The following PRKG1 variants were observed in gnomAD, a reference collection of about 807,000 sequenced individuals.
The protein encoded by PRKG1 is protein kinase cGMP-dependent 1.
A neutral mutation model predicts 88.1 loss-of-function variants in PRKG1; 35 were observed. The ratio of observed to expected loss-of-function variants is 0.40; its 90% CI spans 0.30 to 0.53. The LOEUF is 0.53. Among genes scored for constraint, PRKG1 ranks in the 20% least tolerant of loss-of-function variants. The pLI, the probability that PRKG1 is intolerant of heterozygous loss-of-function variation, is 0.59. For synonymous variants in PRKG1, 303 were observed against 292.5 expected (o/e 1.04, Z -0.37); for missense variants, 540 against 839.8 (o/e 0.64, Z 4.41).
intron 1 of PRKG1, among the ~76,000 whole-genome samples, chr10:51,020,700 G>C (rs990189009): frequency 1.3e-5 from 2 of 152,150 alleles, no homozygotes; most frequent in Non-Finnish European, 2.9e-5. Flanking sequence ...CCAAAATTAT[G>C]CCTCAGAAAT....
At position 52,064,570 on chromosome 10, in the gene PRKG1, G is replaced by C. The variant is rs116753579; in HGVS notation, c.935+1939G>C. ...GACTTCGGGCAGCTGTAGCTGCACC[G>C]GGGAGAAAAGGGCTCCTGCTTCCCC... On this transcript the variant is annotated intron_variant, in intron 7 of 17. Coordinates refer to ENST00000373980, the MANE Select transcript of PRKG1 (RefSeq NM_006258.4). Among the ~76,000 whole-genome samples the C allele has an allele frequency of 9.4e-3, 1,437 of 152,306 alleles. 26 individuals are homozygous for C. Among genetic ancestry groups the C allele is most frequent in the African/African-American group, 0.032 (1,311 of 41,574 alleles).
At chr10:51,431,405 G>A (rs1184170171) in intron 2 of PRKG1, among the ~76,000 whole-genome samples, 1 of 152,210 alleles carries the variant, frequency 6.6e-6, no homozygotes, top group Non-Finnish European at 1.5e-5. Flanking sequence ...GACAAGGTGG[G>A]AGAAGGCAAA....
chr10:51,869,747 C>G, intron 4 of PRKG1, among the ~76,000 whole-genome samples: 1 of 152,122 alleles, frequency 6.6e-6, no homozygotes, highest in African/African-American at 2.4e-5. Context: ...AAAGATATAT[C>G]ATTATATTTA....
intron 10 of PRKG1, among the ~76,000 whole-genome samples, chr10:52,269,543 T>C (rs988575613): frequency 2.0e-5 from 3 of 152,114 alleles, no homozygotes; most frequent in Admixed American, 6.6e-5. Context: ...ACTCAATCTG[T>C]ACATGTGTGC....
intron 2 of PRKG1, among the ~76,000 whole-genome samples, chr10:51,386,640 TCTGCTC>T (rs1837255975): frequency 6.6e-6 from 1 of 152,256 alleles, no homozygotes; most frequent in Non-Finnish European, 1.5e-5. Flanking sequence ...AAGAGAGAAA[TCTGCTC>T]TACTCAGCCT....
chr10:52,222,888 A>G (rs965753667), intron 9 of PRKG1, among the ~76,000 whole-genome samples: 1 of 152,156 alleles, frequency 6.6e-6, no homozygotes, highest in Non-Finnish European at 1.5e-5. Flanking sequence ...TCCCAGGTGT[A>G]TAAAAACTCT....
intron 8 of PRKG1, among the ~76,000 whole-genome samples, chr10:52,155,048 C>T (rs1036583592): frequency 1.3e-5 from 2 of 151,978 alleles, no homozygotes; most frequent in African/African-American, 4.8e-5. Context: ...GGCTGATGGA[C>T]GTTTAGGTTG....
intron 3 of PRKG1, among the ~76,000 whole-genome samples, chr10:51,674,526 T>A (rs569856697): frequency 1.3e-5 from 2 of 152,324 alleles, no homozygotes. Flanking sequence ...AATTATCATT[T>A]CATAAACAAG....
chr10:51,588,451 A>C (rs1323287640), intron 3 of PRKG1, among the ~76,000 whole-genome samples: 1 of 152,192 alleles, frequency 6.6e-6, no homozygotes, highest in African/African-American at 2.4e-5. Context: ...CCTTACAACT[A>C]TCTGCTCAAT....
intron 3 of PRKG1, among the ~76,000 whole-genome samples, chr10:51,728,774 G>T (rs4369342): frequency 0.5 from 75,634 of 151,842 alleles, 19,489 homozygotes; most frequent in Middle Eastern, 0.64. Flanking sequence ...TTTAAGTGCA[G>T]GTATCAAATA....
intron 2 of PRKG1, among the ~76,000 whole-genome samples, chr10:51,275,392 A>G (rs371689590): frequency 1.2e-4 from 18 of 152,216 alleles, no homozygotes; most frequent in Admixed American, 1.2e-3. Context: ...AATGATTTCA[A>G]CTGAAAGCAG....
At chr10:52,111,244 T>C (rs1306019156) in intron 7 of PRKG1, among the ~76,000 whole-genome samples, 1 of 152,184 alleles carries the variant, frequency 6.6e-6, no homozygotes, top group African/African-American at 2.4e-5. Flanking sequence ...GGAGAAGCAA[T>C]TTCACATACA....
chr10:52,050,147 C>T (rs945472488), intron 5 of PRKG1, among the ~76,000 whole-genome samples: 1 of 151,932 alleles, frequency 6.6e-6, no homozygotes, highest in East Asian at 1.9e-4. Flanking sequence ...ACTAGGGAAG[C>T]AGCAGTGAAG....
intron 4 of PRKG1, among the ~76,000 whole-genome samples, chr10:51,864,992 G>A (rs2132844059): frequency 6.6e-6 from 1 of 152,206 alleles, no homozygotes; most frequent in South Asian, 2.1e-4. Context: ...GATAATTATG[G>A]AATATAAATG....
At chr10:52,173,277 A>G (rs975791674) in intron 9 of PRKG1, among the ~76,000 whole-genome samples, 2 of 152,196 alleles carry the variant, frequency 1.3e-5, no homozygotes, top group African/African-American at 4.8e-5. Context: ...GATAATTCAT[A>G]GTAATTAAGT....
intron 2 of PRKG1, among the ~76,000 whole-genome samples, chr10:51,435,109 T>C (rs933387765): frequency 6.6e-6 from 1 of 152,048 alleles, no homozygotes; most frequent in Non-Finnish European, 1.5e-5. Flanking sequence ...GTAGATACTT[T>C]CATGATAATG....
intron 3 of PRKG1, among the ~76,000 whole-genome samples, chr10:51,615,489 G>T (rs1458806392): frequency 1.3e-5 from 2 of 151,592 alleles, no homozygotes; most frequent in Admixed American, 1.3e-4. Context: ...GTCACTTTAT[G>T]GTGTCCATGA....
chr10:51,452,605 G>A (rs1424182638), intron 2 of PRKG1, among the ~76,000 whole-genome samples: 8 of 151,918 alleles, frequency 5.3e-5, no homozygotes, highest in South Asian at 2.1e-4. Flanking sequence ...ATTGACTTGC[G>A]TATGTGAAAC....
At chr10:51,075,769 A>G (rs1429402875) in intron 1 of PRKG1, among the ~76,000 whole-genome samples, 1 of 152,176 alleles carries the variant, frequency 6.6e-6, no homozygotes, top group East Asian at 1.9e-4. Context: ...TGCAATTCTG[A>G]TGTTAGTGGG....
Sources: allele counts gnomAD v4.1 joint callset (sites outside exome capture counted in the v4.1 genomes callset), GRCh38; gene constraint gnomAD v4.1.1; transcripts MANE v1.5; gene names NCBI Gene and HGNC (gene_info 2026-07-23, HGNC 2026-07-21).